Variants in APPL1 observed in about 807,000 individuals in gnomAD.
The protein encoded by APPL1 is DCC-interacting protein 13-alpha.
Under a neutral mutation model 106.8 loss-of-function variants are expected in APPL1, and 42 were observed. That is an observed-to-expected ratio of 0.39 (90% CI 0.31 to 0.51). APPL1 has a LOEUF of 0.51. APPL1 is among the 20% of genes least tolerant of loss of function. The probability of loss-of-function intolerance (pLI) is 0.75; values close to 1 mark genes in which losing one functional copy is unlikely to be tolerated. For missense variants in APPL1, 769 were observed against 858.2 expected, an observed-to-expected ratio of 0.90 and a Z score of 1.30; for synonymous variants, 263 against 281.8, an observed-to-expected ratio of 0.93 and a Z score of 0.67.
Position 57,269,293 on chromosome 3 carries a change from T to G in APPL1, c.1984-248T>G, listed in dbSNP as rs1164893354. 5 of 388,946 alleles carry G rather than the reference T, an allele frequency of 1.3e-5. No individual in the cohort carries two copies. In the Admixed American group the frequency reaches 1.6e-4, roughly 12 times the overall value. The allele number at this position is 388,946 out of a possible 1,614,324, so 24.1% of individuals were successfully genotyped here. A position where few individuals can be genotyped will look rare whatever the true frequency, so the allele number is the denominator to read the frequency against. ...ATGATTGATGATGGGCTTTATTTGG[T>G]TGTTGGTCATAAAAAAAGAAAGATA... On this transcript the variant is annotated intron_variant, in intron 21 of 21. Transcript: ENST00000288266.
chr3:57,267,667 C>CA, intron 19 of APPL1, 75 bp from the exon 20 acceptor site: 1 of 1,233,766 alleles, frequency 8.1e-7, no homozygotes, highest in Non-Finnish European at 1.2e-6. Flanking sequence ...CTAGTTCCAT[C>CA]AGTTATTTGG....
At position 57,269,580 on chromosome 3, in the gene APPL1, A is replaced by G; in HGVS notation, c.2023A>G (p.Arg675Gly). ...AAGTCGGTTGATAGCTGCTTCCAGT[A>G]GACCAAACCAAGCCAGTAGTGAGGG... Reference protein sequence around the residue: ...EQSRLIAASSRPNQASSEGQF... With the variant: ...EQSRLIAASSGPNQASSEGQF... The change falls in exon 22 of 22, where the codon AGA becomes GGA. Residue 675 changes from arginine to glycine, a missense_variant. By Grantham distance (125) the Arg-to-Gly change is moderately radical. Transcript: ENST00000288266. The G allele has an allele frequency of 6.2e-7, 1 of 1,614,144 alleles. No homozygotes were observed. The highest frequency in any genetic ancestry group is 8.5e-7 in the Non-Finnish European group (1 of 1,180,008).
In APPL1 at chr3:57,228,077, C is replaced by T. The variant is rs748776747; in HGVS notation, c.54+140C>T. On this transcript the variant is annotated intron_variant, in intron 1 of 21. Coordinates refer to ENST00000288266, the MANE Select transcript of APPL1 (RefSeq NM_012096.3). This position sits in a 1 kb window ranked among gnomAD's most constrained non-coding sequence, Gnocchi z 4.6. ...CCCTAGGTCACCGCCCGTCGCAGGC[C>T]GCGCCCGGAGTTGTGGAGGCTGGGC... 1.8e-3 allele frequency: 1,302 copies of T among 707,232 alleles called. 2 individuals carry two copies. Among genetic ancestry groups the T allele is most frequent in the Non-Finnish European group, 2.4e-3 (1,264 of 517,612 alleles). The allele number at this position is 707,232 out of a possible 1,614,324, so 43.8% of individuals were successfully genotyped here. A position where few individuals can be genotyped will look rare whatever the true frequency, so the allele number is the denominator to read the frequency against.
chr3:57,236,350 T>C (rs143495392), intron 2 of APPL1, among the ~76,000 whole-genome samples: 3,490 of 144,392 alleles, frequency 0.024, 64 homozygotes, highest in Admixed American at 0.035. Flanking sequence ...TTTTTGGAGA[T>C]GGAGTTTTGC....
intron 10 of APPL1, among the ~76,000 whole-genome samples, chr3:57,248,976 T>A (rs1290415608): frequency 1.3e-5 from 2 of 152,232 alleles, no homozygotes; most frequent in African/African-American, 4.8e-5. Context: ...TTAATATATT[T>A]GTAATTATAG....
intron 19 of APPL1, among the ~76,000 whole-genome samples, chr3:57,267,021 T>C (rs1032900760): frequency 5.6e-5 from 7 of 125,564 alleles, no homozygotes; most frequent in Admixed American, 4.7e-4. Context: ...TGAAGTTAGG[T>C]AATGTGATGC....
chr3:57,269,518 TTC>T (rs1221868265), intron 21 of APPL1, 21 bp from the exon 22 acceptor site: 1 of 1,609,824 alleles, frequency 6.2e-7, no homozygotes, highest in Non-Finnish European at 8.5e-7. Flanking sequence ...GTAACTTAGT[TTC>T]TTTTTTGTCT....
intron 13 of APPL1, 57 bp from the exon 14 acceptor site, chr3:57,256,900 A>C: frequency 7.2e-7 from 1 of 1,397,402 alleles, no homozygotes. Context: ...GTTACATTCA[A>C]ACTTTTGGTT....
chr3:57,254,938 T>C (rs1019109546), intron 13 of APPL1, among the ~76,000 whole-genome samples: 1 of 152,238 alleles, frequency 6.6e-6, no homozygotes, highest in Admixed American at 6.5e-5. Context: ...TTAAAGATTC[T>C]TGATAGAGAA....
At chr3:57,266,894 G>A (rs1309267781) in intron 19 of APPL1, among the ~76,000 whole-genome samples, 1 of 152,152 alleles carries the variant, frequency 6.6e-6, no homozygotes, top group Admixed American at 6.6e-5. Context: ...TTAAAGATCA[G>A]TTGGCTGTAA....
Position 57,259,025 on chromosome 3 carries a change from T to C in APPL1, c.1431-3T>C, listed in dbSNP as rs757004765. On this transcript the variant is annotated splice_region_variant and splice_polypyrimidine_tract_variant and intron_variant, in intron 15 of 21. Coordinates refer to ENST00000288266, the MANE Select transcript of APPL1 (RefSeq NM_012096.3). ...TGTTCATATTTTCTTCTAAACTTTT[T>C]AGGCGTACAAATCCATTTGGAGAAT... 6.2e-7 allele frequency: 1 copy of C among 1,611,950 alleles called. No homozygotes were observed. Among genetic ancestry groups the C allele is most frequent in the South Asian group, 1.1e-5 (1 of 90,662 alleles).
intron 1 of APPL1, among the ~76,000 whole-genome samples, chr3:57,232,606 T>C (rs568834154): frequency 2.0e-5 from 3 of 152,252 alleles, no homozygotes; most frequent in East Asian, 3.9e-4. Context: ...GAAGAAAATA[T>C]TAGGGACAAA....
intron 11 of APPL1, among the ~76,000 whole-genome samples, chr3:57,251,868 T>C (rs2060806688): frequency 6.6e-6 from 1 of 152,186 alleles, no homozygotes; most frequent in African/African-American, 2.4e-5. Context: ...TGATTTAATA[T>C]TAAAGGAGAA....
rs148780624 is a variant in APPL1 at position 57,257,283 on chromosome 3, G to C, written c.1285G>C (p.Gly429Arg). The change falls in exon 15 of 22, where the codon GGA becomes CGA. Residue 429 changes from glycine to arginine, a missense_variant. Gly to Arg is a moderately radical substitution (Grantham distance 125, BLOSUM62 -2). Coordinates refer to ENST00000288266, the MANE Select transcript of APPL1 (RefSeq NM_012096.3). ...RPPTARTSSS[G>R]SLGSESTNLA... Reference sequence around the variant, plus strand: ...ACCGACAGCTCGAACCAGCAGTTCAGGATCCTTAGGATCTGAGTCTACAAA... The same window carrying C: ...ACCGACAGCTCGAACCAGCAGTTCACGATCCTTAGGATCTGAGTCTACAAA... The C allele has an allele frequency of 2.5e-6, 4 of 1,613,864 alleles. No individual in the cohort carries two copies. In the African/African-American group the frequency reaches 5.3e-5, roughly 22 times the overall value.
chr3:57,257,543 TTTGTTTAATTATGTAACATA>T, intron 15 of APPL1, 115 bp downstream of exon 15: 1 of 913,740 alleles, frequency 1.1e-6, no homozygotes, highest in Non-Finnish European at 1.5e-6. Flanking sequence ...TTGTACTTTC[TTTGTTTAATTATGTAACATA>T]TTGTTAGGGA....
intron 20 of APPL1, chr3:57,268,001 G>A (rs998602517): frequency 2.4e-5 from 14 of 584,266 alleles, no homozygotes; most frequent in South Asian, 2.3e-4. Flanking sequence ...TCTGAGGCAC[G>A]AGAATGACTT....
At position 57,231,684 on chromosome 3, in the gene APPL1, T is replaced by G. The variant is rs147648840; in HGVS notation, c.54+3747T>G. On this transcript the variant is annotated intron_variant, in intron 1 of 21. Transcript: ENST00000288266. ...TTAGCTGGGCGTGGTGGCATGCACC[T>G]GTAGTCCCAGCTATTCAGGAGGCTA... 1.0e-3 allele frequency among the ~76,000 whole-genome samples: 153 copies of G among 152,016 alleles called. 1 individual carries two copies. Among genetic ancestry groups the G allele is most frequent in the African/African-American group, 3.5e-3 (147 of 41,458 alleles).
intron 11 of APPL1, 80 bp from the exon 12 acceptor site, chr3:57,252,189 T>C (rs2060808677): frequency 8.3e-7 from 1 of 1,197,956 alleles, no homozygotes; most frequent in Non-Finnish European, 1.2e-6. Context: ...CCTTTAACTT[T>C]AAAGATTAAA....
intron 1 of APPL1, among the ~76,000 whole-genome samples, chr3:57,229,182 A>G (rs974670507): frequency 6.6e-6 from 1 of 152,154 alleles, no homozygotes; most frequent in Non-Finnish European, 1.5e-5. Flanking sequence ...TTTTTTCTTG[A>G]TGATTTCTCC....
Sources: allele counts gnomAD v4.1 joint callset (sites outside exome capture counted in the v4.1 genomes callset), GRCh38; gene constraint gnomAD v4.1.1; non-coding constraint Gnocchi (gnomAD v3.1); transcripts MANE v1.5; gene names NCBI Gene and HGNC (gene_info 2026-07-23, HGNC 2026-07-21).